Variants in TENM2 observed in about 807,000 individuals in gnomAD.
The protein encoded by TENM2 is teneurin transmembrane protein 2, also known as teneurin-2.
In TENM2, 52 loss-of-function variants were observed where a neutral mutation model predicts 245.2. That is an observed-to-expected ratio of 0.21 (90% CI 0.17 to 0.27). The LOEUF is 0.27. Ranked by LOEUF, TENM2 falls within the 10% of genes least tolerant of loss-of-function variation. The probability of loss-of-function intolerance (pLI) is 1.00; values close to 1 mark genes in which losing one functional copy is unlikely to be tolerated. For missense variants in TENM2, 3,046 were observed against 3,666.8 expected, an observed-to-expected ratio of 0.83 and a Z score of 4.37; for synonymous variants, 1,363 against 1,438.9, an observed-to-expected ratio of 0.95 and a Z score of 1.19.
intron 10 of TENM2, among the ~76,000 whole-genome samples, chr5:168,124,120 T>G (rs1795674839): frequency 6.6e-6 from 1 of 152,182 alleles, no homozygotes; most frequent in African/African-American, 2.4e-5. Flanking sequence ...TATCAGCTCA[T>G]CTGATTGACT....
chr5:167,012,679 A>C, the TENM2 span, among the ~76,000 whole-genome samples: 14 of 152,260 alleles, frequency 9.2e-5, no homozygotes, highest in African/African-American at 3.4e-4. Flanking sequence ...AACCCAACCA[A>C]AGGGAGATGT....
chr5:168,001,702 A>G (rs1784433012), intron 5 of TENM2, among the ~76,000 whole-genome samples: 1 of 152,224 alleles, frequency 6.6e-6, no homozygotes. Context: ...TGTGTCCCAC[A>G]TTGAAAATTC....
At chr5:168,259,812 C>T (rs1433189647) in intron 27 of TENM2, among the ~76,000 whole-genome samples, 2 of 152,224 alleles carry the variant, frequency 1.3e-5, no homozygotes, top group Non-Finnish European at 2.9e-5. Flanking sequence ...GATAGATGCT[C>T]CCTTAAACAC....
At chr5:167,878,087 T>C (rs1773579632) in intron 3 of TENM2, among the ~76,000 whole-genome samples, 1 of 152,222 alleles carries the variant, frequency 6.6e-6, no homozygotes, top group South Asian at 2.1e-4. Flanking sequence ...GAGAGGTCAG[T>C]TCATATCTTG....
At chr5:168,221,877 G>A (rs760564546) in intron 23 of TENM2, among the ~76,000 whole-genome samples, 6 of 152,204 alleles carry the variant, frequency 3.9e-5, no homozygotes, top group Admixed American at 6.5e-5. Flanking sequence ...CATGCTTACT[G>A]ATTGACGTTG....
At chr5:168,262,771 C>T in exon 29 of TENM2, 1 of 1,609,310 alleles carries the variant, frequency 6.2e-7, no homozygotes, top group Non-Finnish European at 8.5e-7. Context: ...GTAGCAGCAA[C>T]ATCCAGTTTT....
rs1384393436 is a variant in TENM2 at position 168,262,221 on chromosome 5, G to C, written c.7736G>C (p.Gly2579Ala). 2.5e-6 allele frequency: 4 copies of C among 1,607,334 alleles called. No homozygotes were observed. The African/African-American group carries it at 4.0e-5, about 16-fold the overall frequency. ...GGCATCATGTTTGCCATCAAAGAAG[G>C]GCGGGTGACCACGGGCGTGTCCAGC... is the stretch of plus-strand genomic sequence containing the variant. Residue 2579 changes from glycine to alanine, a missense_variant, in exon 29 of 29, where the codon GGG (glycine) becomes GCG (alanine). Around this residue, in one of 2 missense-constraint regions of TENM2, gnomAD observed 2,704 missense variants for 3,331.9 expected, o/e 0.81. Transcript: ENST00000518659.
intron 7 of TENM2, among the ~76,000 whole-genome samples, chr5:168,073,503 T>C (rs900104249): frequency 2.0e-5 from 3 of 152,314 alleles, no homozygotes; most frequent in Non-Finnish European, 4.4e-5. Context: ...TCTTCGCTAA[T>C]GGGGACATAC....
At chr5:167,177,952 C>G in the TENM2 span, among the ~76,000 whole-genome samples, 1 of 152,212 alleles carries the variant, frequency 6.6e-6, no homozygotes, top group Non-Finnish European at 1.5e-5. Flanking sequence ...TGAGCAGCCT[C>G]AGCTGCCACC....
At chr5:168,125,118 T>G in intron 11 of TENM2, 68 bp downstream of exon 13, 1 of 1,329,026 alleles carries the variant, frequency 7.5e-7, no homozygotes, top group Non-Finnish European at 1.1e-6. Flanking sequence ...CATTCTCAGA[T>G]GGATGGGAAT....
Position 168,244,332 on chromosome 5 carries a change from C to T in TENM2, c.5521-88C>T. On this transcript the variant is annotated intron_variant, in intron 25 of 28. Transcript: ENST00000518659. This position sits in a 1 kb window ranked among gnomAD's most constrained non-coding sequence, Gnocchi z 4.9. ...TCTTCCTCCAGTGAACACTTAAGCC[C>T]TGGCCATGCCAGCCATGTCCTCCAC... is the stretch of plus-strand genomic sequence containing the variant. The T allele has an allele frequency of 1.8e-6, 2 of 1,124,858 alleles. No individual in the cohort carries two copies. Among genetic ancestry groups the T allele is most frequent in the Non-Finnish European group, 2.4e-6 (2 of 822,546 alleles). 69.7% of individuals were successfully genotyped at this position (1,124,858 alleles called of 1,614,324 possible).
the TENM2 span, among the ~76,000 whole-genome samples, chr5:167,255,181 A>G: frequency 0.029 from 4,346 of 151,408 alleles, 178 homozygotes; most frequent in African/African-American, 0.1. Flanking sequence ...CTGTCAAATT[A>G]CAAGACAAAT....
chr5:167,049,528 A>G, the TENM2 span, among the ~76,000 whole-genome samples: 4 of 152,214 alleles, frequency 2.6e-5, no homozygotes, highest in Non-Finnish European at 5.9e-5. Flanking sequence ...ACATCAAACT[A>G]TATTTATTTT....
At chr5:167,618,108 C>T (rs1777910433) in intron 2 of TENM2, among the ~76,000 whole-genome samples, 1 of 152,158 alleles carries the variant, frequency 6.6e-6, no homozygotes, top group Admixed American at 6.5e-5. Flanking sequence ...AAATGGGAAT[C>T]AAAGCCATCA....
At chr5:168,106,331 G>A (rs541491634) in intron 9 of TENM2, among the ~76,000 whole-genome samples, 1 of 132,204 alleles carries the variant, frequency 7.6e-6, no homozygotes, top group South Asian at 2.5e-4. Context: ...CTACATGCCA[G>A]CACTAAAAAC....
At chr5:167,184,816 G>A in the TENM2 span, among the ~76,000 whole-genome samples, 9 of 152,158 alleles carry the variant, frequency 5.9e-5, no homozygotes, top group African/African-American at 2.2e-4. Flanking sequence ...GGGTGTAAAG[G>A]TGTAGAGCAC....
intron 2 of TENM2, among the ~76,000 whole-genome samples, chr5:167,539,132 A>C (rs983979793): frequency 1.3e-5 from 2 of 151,842 alleles, no homozygotes; most frequent in Non-Finnish European, 2.9e-5. Flanking sequence ...GAGTAGTTTA[A>C]AAAAAAAGTC....
chr5:168,236,183 C>G (rs189484124), intron 25 of TENM2, among the ~76,000 whole-genome samples: 1 of 152,142 alleles, frequency 6.6e-6, no homozygotes, highest in African/African-American at 2.4e-5. Flanking sequence ...TGCAAATGAG[C>G]CCTCATCGGG....
chr5:168,261,157 A>C (rs1768153357), intron 28 of TENM2, among the ~76,000 whole-genome samples: 1 of 152,038 alleles, frequency 6.6e-6, no homozygotes, highest in Admixed American at 6.6e-5. Flanking sequence ...CATTTCTCTC[A>C]TTTATCTAAG....
Sources: allele counts gnomAD v4.1 joint callset (sites outside exome capture counted in the v4.1 genomes callset), GRCh38; gene constraint gnomAD v4.1.1; regional missense constraint gnomAD v4.1.1; non-coding constraint Gnocchi (gnomAD v3.1); transcripts MANE v1.5; gene names NCBI Gene and HGNC (gene_info 2026-07-23, HGNC 2026-07-21).